The following STXBP5L variants were observed in gnomAD, a reference collection of about 807,000 sequenced individuals.
The protein encoded by STXBP5L is syntaxin binding protein 5L.
A neutral mutation model predicts 144.5 loss-of-function variants in STXBP5L; 65 were observed. That is an observed-to-expected ratio of 0.45 (90% CI 0.37 to 0.55). The LOEUF is 0.55. Ranked by LOEUF, STXBP5L falls within the 20% of genes least tolerant of loss-of-function variation. STXBP5L has a pLI of 0.00. For synonymous variants in STXBP5L, 505 were observed against 469.6 expected, an observed-to-expected ratio of 1.08 and a Z score of -0.97; for missense variants, 1,298 against 1,405.5, an observed-to-expected ratio of 0.92 and a Z score of 1.22.
At chr3:121,032,244 G>A (rs754073433) in intron 3 of STXBP5L, among the ~76,000 whole-genome samples, 16 of 126,168 alleles carry the variant, frequency 1.3e-4, no homozygotes, top group African/African-American at 5.2e-4. Context: ...CTTTAGAAGT[G>A]ATGGGCAAAA....
intron 7 of STXBP5L, among the ~76,000 whole-genome samples, chr3:121,135,477 A>G (rs1375468758): frequency 6.6e-6 from 1 of 152,174 alleles, no homozygotes; most frequent in Non-Finnish European, 1.5e-5. Flanking sequence ...TTTTGCTGCA[A>G]CTATATGGTC....
chr3:121,272,788 T>C (rs549613102), intron 18 of STXBP5L, among the ~76,000 whole-genome samples: 1 of 152,272 alleles, frequency 6.6e-6, no homozygotes, highest in African/African-American at 2.4e-5. Flanking sequence ...ACTATGTTTC[T>C]GTTTTACAAC....
At chr3:121,070,246 G>A (rs561835643) in intron 5 of STXBP5L, among the ~76,000 whole-genome samples, 28 of 152,300 alleles carry the variant, frequency 1.8e-4, no homozygotes, top group African/African-American at 6.7e-4. Flanking sequence ...AACAAAGGCA[G>A]CATTACGACA....
intron 23 of STXBP5L, among the ~76,000 whole-genome samples, chr3:121,410,104 CTGT>C (rs2047081456): frequency 6.6e-6 from 1 of 151,746 alleles, no homozygotes; most frequent in African/African-American, 2.4e-5. Flanking sequence ...CTTTCTCAAA[CTGT>C]TTTTAGAAAT....
chr3:121,100,324 C>G (rs1189050349), intron 5 of STXBP5L, among the ~76,000 whole-genome samples: 3 of 152,124 alleles, frequency 2.0e-5, no homozygotes, highest in Non-Finnish European at 2.9e-5. Context: ...ACAGAACATA[C>G]TCCAAACTTG....
At chr3:121,207,746 TG>T (rs2048394866) in intron 10 of STXBP5L, among the ~76,000 whole-genome samples, 1 of 152,190 alleles carries the variant, frequency 6.6e-6, no homozygotes, top group South Asian at 2.1e-4. Context: ...TCATCATCAC[TG>T]GCCATCAGAG....
Position 121,064,880 on chromosome 3 carries a change from T to C in STXBP5L, c.470+19345T>C, listed in dbSNP as rs569222314. ...GTACCAAATAGGTAGTTTTTCCGTCTAGTATGTAGTTTGCCTTCCTCCGTC... is the reference window on the plus strand; with the variant it reads ...GTACCAAATAGGTAGTTTTTCCGTCCAGTATGTAGTTTGCCTTCCTCCGTC... On this transcript the variant is annotated intron_variant, in intron 5 of 26. Transcript: ENST00000471454. Among the ~76,000 whole-genome samples, 27 of 152,326 alleles carry C rather than the reference T, an allele frequency of 1.8e-4. 1 individual carries two copies. In the Middle Eastern group the frequency reaches 0.017, roughly 96 times the overall value.
chr3:121,037,042 T>G (rs1946809943), intron 3 of STXBP5L, among the ~76,000 whole-genome samples: 1 of 152,054 alleles, frequency 6.6e-6, no homozygotes, highest in Non-Finnish European at 1.5e-5. Flanking sequence ...TCCTCCCACT[T>G]AAGCCTGCTG....
chr3:121,164,255 C>T (rs903086008), intron 9 of STXBP5L, among the ~76,000 whole-genome samples: 4 of 152,156 alleles, frequency 2.6e-5, no homozygotes, highest in African/African-American at 9.7e-5. Flanking sequence ...AGGTGCTCAA[C>T]ATCATTTATC....
At chr3:121,027,927 A>T (rs1376576821) in intron 3 of STXBP5L, among the ~76,000 whole-genome samples, 1 of 151,524 alleles carries the variant, frequency 6.6e-6, no homozygotes, top group African/African-American at 2.4e-5. Context: ...TATTAGTTTG[A>T]TTTTTTCTAC....
intron 5 of STXBP5L, among the ~76,000 whole-genome samples, chr3:121,102,701 G>C (rs998429966): frequency 1.3e-5 from 2 of 152,026 alleles, no homozygotes; most frequent in Non-Finnish European, 2.9e-5. Context: ...ATTGACAAGT[G>C]GGACCTAATT....
intron 5 of STXBP5L, among the ~76,000 whole-genome samples, chr3:121,105,624 A>G (rs1034107873): frequency 6.6e-6 from 1 of 152,106 alleles, no homozygotes; most frequent in African/African-American, 2.4e-5. Context: ...AACTACTACA[A>G]CCACTCTGGT....
intron 19 of STXBP5L, among the ~76,000 whole-genome samples, chr3:121,288,047 AC>A (rs1454575247): frequency 3.3e-5 from 5 of 152,224 alleles, no homozygotes; most frequent in Admixed American, 3.3e-4. Context: ...TAAAGTTCAT[AC>A]AGAAATTCAA....
chr3:121,040,210 A>G (rs1466889293), intron 3 of STXBP5L, among the ~76,000 whole-genome samples: 10 of 151,882 alleles, frequency 6.6e-5, no homozygotes, highest in African/African-American at 2.4e-4. Context: ...AGGTTTTCGT[A>G]TTTCTATAAT....
intron 2 of STXBP5L, among the ~76,000 whole-genome samples, chr3:120,911,088 A>G (rs964210256): frequency 6.6e-6 from 1 of 151,958 alleles, no homozygotes. Flanking sequence ...GATTCTGAAA[A>G]TTTTTTCCAA....
At chr3:121,118,982 A>G (rs1269840669) in intron 6 of STXBP5L, among the ~76,000 whole-genome samples, 1 of 151,496 alleles carries the variant, frequency 6.6e-6, no homozygotes, top group Non-Finnish European at 1.5e-5. Flanking sequence ...TCTGAAGGTA[A>G]TGAGAGAGAT....
chr3:121,029,235 A>G (rs1293985475), intron 3 of STXBP5L, among the ~76,000 whole-genome samples: 2 of 152,120 alleles, frequency 1.3e-5, no homozygotes, highest in Non-Finnish European at 2.9e-5. Context: ...AATCCTAAGC[A>G]AAAAGAACAA....
chr3:121,196,862 T>TGATTGAGA lies in STXBP5L; in HGVS notation c.878-9060_878-9053dup, dbSNP rs1168247229. Among the ~76,000 whole-genome samples the TGATTGAGA allele has an allele frequency of 3.3e-5, 5 of 151,776 alleles. No homozygotes were observed. In the East Asian group the frequency reaches 9.7e-4, roughly 29 times the overall value. ...TTGATTGATTGATTGATTGATTGAT[T>TGATTGAGA]GATTGAGACAGGGTCTACCTATGTT... On this transcript the variant is annotated intron_variant, in intron 9 of 26. Transcript: ENST00000471454.
At chr3:121,103,678 T>C (rs2043547476) in intron 5 of STXBP5L, among the ~76,000 whole-genome samples, 1 of 152,084 alleles carries the variant, frequency 6.6e-6, no homozygotes, top group Non-Finnish European at 1.5e-5. Flanking sequence ...AAAATAAACA[T>C]ATATGAATAT....
Sources: gnomAD v4.1 joint callset for allele counts (sites outside exome capture counted in the v4.1 genomes callset) on GRCh38, gnomAD v4.1.1 for gene constraint, MANE v1.5 for transcripts, NCBI Gene and HGNC (gene_info 2026-07-23, HGNC 2026-07-21) for gene names.